Variants in RAPH1 observed in about 807,000 individuals in gnomAD.
RAPH1 encodes Ras association (RalGDS/AF-6) and pleckstrin homology domains 1.
RAPH1 carries 18 observed loss-of-function variants against 88.1 expected under a neutral mutation model. That is an observed-to-expected ratio of 0.20 (90% CI 0.14 to 0.30). RAPH1 has a LOEUF of 0.30. RAPH1 is among the 10% of genes least tolerant of loss of function. The pLI, the probability that RAPH1 is intolerant of heterozygous loss-of-function variation, is 1.00. For missense variants in RAPH1, 1,448 were observed against 1,543.2 expected (o/e 0.94, Z 1.03); for synonymous variants, 587 against 559.0 (o/e 1.05, Z -0.71).
At chr2:203,445,791 T>C (rs2098508966) in intron 12 of RAPH1, 2 of 152,164 alleles carry the variant, frequency 1.3e-5, no homozygotes, top group South Asian at 2.1e-4. Context: ...GGAAGGGTTG[T>C]TGGTTGGTTT....
At chr2:203,459,552 T>C (rs1292863249) in intron 7 of RAPH1, among the ~76,000 whole-genome samples, 3 of 152,236 alleles carry the variant, frequency 2.0e-5, no homozygotes, top group African/African-American at 7.2e-5. Context: ...AGAAGTACTT[T>C]TCTTTGATGA....
intron 1 of RAPH1, among the ~76,000 whole-genome samples, chr2:203,506,113 A>G (rs1688981429): frequency 6.6e-6 from 1 of 152,170 alleles, no homozygotes; most frequent in Admixed American, 6.5e-5. Context: ...AAGAAATCCA[A>G]TCCCAGAGGC....
chr2:203,440,013 G>C lies in RAPH1; in HGVS notation c.3177C>G (p.Asp1059Glu). 6.2e-7 allele frequency: 1 copy of C among 1,613,744 alleles called. No homozygotes were observed. Among genetic ancestry groups the C allele is most frequent in the Non-Finnish European group, 8.5e-7 (1 of 1,179,994 alleles). ...KAPVLSGRGK[D>E]SVVEFPSPPS... ...GAGGAGAAGGAAATTCCACCACGGA[G>C]TCCTTTCCACGCCCACTCAGAACAG... The change falls in exon 14 of 14, where the codon GAC becomes GAG. Residue 1059 changes from aspartate (D) to glutamate (E), a missense_variant. Around this residue, in one of 2 missense-constraint regions of RAPH1, gnomAD observed 935 missense variants for 890.1 expected, o/e 1.05. Transcript: ENST00000319170.
At chr2:203,487,136 C>T (rs1482973555) in intron 4 of RAPH1, among the ~76,000 whole-genome samples, 4 of 152,262 alleles carry the variant, frequency 2.6e-5, no homozygotes, top group African/African-American at 4.8e-5. Context: ...GACATGCATA[C>T]GGTATTAGAA....
chr2:203,472,323 A>C (rs1460394397), intron 4 of RAPH1, among the ~76,000 whole-genome samples: 1 of 151,902 alleles, frequency 6.6e-6, no homozygotes, highest in African/African-American at 2.4e-5. Context: ...TTAGAGACAG[A>C]GTTTCGCCAT....
At chr2:203,486,473 G>A (rs1687978102) in intron 4 of RAPH1, among the ~76,000 whole-genome samples, 1 of 152,106 alleles carries the variant, frequency 6.6e-6, no homozygotes, top group African/African-American at 2.4e-5. Flanking sequence ...AGTAGAGTGA[G>A]AAGTCAATAG....
At chr2:203,488,057 T>C (rs1688054184) in intron 4 of RAPH1, among the ~76,000 whole-genome samples, 1 of 152,236 alleles carries the variant, frequency 6.6e-6, no homozygotes. Flanking sequence ...TTGGAAAGGT[T>C]GACTTAACTT....
Position 203,448,715 on chromosome 2 carries a change from C to T in RAPH1, c.1512+23G>A. 1 of 1,484,586 alleles carries T rather than the reference C, an allele frequency of 6.7e-7. No homozygotes were observed. 92.0% of individuals were successfully genotyped at this position (1,484,586 alleles called of 1,614,324 possible). On this transcript the variant is annotated intron_variant, in intron 11 of 13. Transcript: ENST00000319170. The surrounding 1 kb of genome is among the most constrained non-coding windows in gnomAD (Gnocchi z 4.1). ...ATCGACAAACACCTCATTATTCCAT[C>T]ATCAAATCAAAAGGAGACATGCCTT...
At chr2:203,478,706 C>A (rs1687587803) in intron 4 of RAPH1, among the ~76,000 whole-genome samples, 1 of 152,112 alleles carries the variant, frequency 6.6e-6, no homozygotes, top group African/African-American at 2.4e-5. Context: ...TGAGGCTGGC[C>A]TTGAACTCCT....
At chr2:203,525,506 A>G (rs1690074344) in intron 1 of RAPH1, among the ~76,000 whole-genome samples, 1 of 152,128 alleles carries the variant, frequency 6.6e-6, no homozygotes, top group Non-Finnish European at 1.5e-5. Flanking sequence ...CATACAATTG[A>G]ATATTACCAC....
At chr2:203,508,014 C>T (rs1036437226) in intron 1 of RAPH1, among the ~76,000 whole-genome samples, 38 of 151,370 alleles carry the variant, frequency 2.5e-4, no homozygotes, top group Admixed American at 2.5e-3. Context: ...AGATCAAGAC[C>T]ATCCTGGCTA....
chr2:203,496,307 G>A (rs992835297), intron 1 of RAPH1, among the ~76,000 whole-genome samples: 2 of 152,124 alleles, frequency 1.3e-5, no homozygotes, highest in Non-Finnish European at 2.9e-5. Flanking sequence ...GCAGAGAGCC[G>A]AGAACATGCC....
chr2:203,509,146 C>T (rs543446619), intron 1 of RAPH1, among the ~76,000 whole-genome samples: 162 of 145,486 alleles, frequency 1.1e-3, no homozygotes, highest in Middle Eastern at 3.7e-3. Flanking sequence ...TCTTGGCTCA[C>T]TGCAACCTCT....
At position 203,440,128 on chromosome 2, in the gene RAPH1, G is replaced by C; in HGVS notation, c.3062C>G (p.Pro1021Arg). ...TTTTCCAGGCTTGGGGGGTGCTGCA[G>C]GAGGTGGTAGGGTCTCCTTGCTGGG... ...GSPSKETLPP[P>R]AAPPKPGKLN... Residue 1021 changes from proline (P) to arginine (R), a missense_variant, in exon 14 of 14, where the codon CCT (proline) becomes CGT (arginine). Transcript: ENST00000319170. 6.2e-7 allele frequency: 1 copy of C among 1,613,560 alleles called. No homozygotes were observed. Among genetic ancestry groups the C allele is most frequent in the Non-Finnish European group, 8.5e-7 (1 of 1,179,984 alleles).
At position 203,437,979 on chromosome 2, in the gene RAPH1, G is replaced by A; in HGVS notation, c.*1458C>T. On this transcript the variant is annotated 3_prime_UTR_variant, in exon 14 of 14. Coordinates refer to ENST00000319170, the MANE Select transcript of RAPH1 (RefSeq NM_213589.3). ...TCCAATTTATCATAAGTTGATGAGA[G>A]TACTTATTTCTCTCATGTACCAAGG... is the stretch of plus-strand genomic sequence containing the variant. 1 of 346,230 alleles carries A rather than the reference G, an allele frequency of 2.9e-6. No individual in the cohort carries two copies. The highest frequency in any genetic ancestry group is 5.7e-6 in the Non-Finnish European group (1 of 175,352). 21.4% of individuals were successfully genotyped at this position (346,230 alleles called of 1,614,324 possible).
intron 1 of RAPH1, among the ~76,000 whole-genome samples, chr2:203,534,311 G>T (rs959050654): frequency 2.6e-5 from 4 of 152,172 alleles, no homozygotes; most frequent in African/African-American, 9.7e-5. Flanking sequence ...CAAGACACAT[G>T]TAACACTTAC....
chr2:203,526,877 A>G (rs1690146084), intron 1 of RAPH1, among the ~76,000 whole-genome samples: 1 of 150,762 alleles, frequency 6.6e-6, no homozygotes, highest in African/African-American at 2.4e-5. Context: ...TCTCCCTCCC[A>G]GGTTCAAGCA....
chr2:203,447,238 A>G (rs2153636196), intron 12 of RAPH1: 1 of 142,102 alleles, frequency 7.0e-6, no homozygotes, highest in South Asian at 2.2e-4. Flanking sequence ...TTTAAGCAGC[A>G]TCCTTGGCCA....
At chr2:203,443,192 G>A (rs2098505857) in intron 13 of RAPH1, 1 of 152,076 alleles carries the variant, frequency 6.6e-6, no homozygotes, top group South Asian at 2.1e-4. Flanking sequence ...GGAATAAAAG[G>A]AAAAATGTCC....
Sources: allele counts gnomAD v4.1 joint callset (sites outside exome capture counted in the v4.1 genomes callset), GRCh38; gene constraint gnomAD v4.1.1; regional missense constraint gnomAD v4.1.1; non-coding constraint Gnocchi (gnomAD v3.1); transcripts MANE v1.5; gene names NCBI Gene and HGNC (gene_info 2026-07-23, HGNC 2026-07-21).